GALNT14: variants seen among roughly 807,000 people sequenced by gnomAD.
The protein encoded by GALNT14 is UDP-GalNAc:polypeptide N-acetylgalactosaminyltransferase 14.
A neutral mutation model predicts 77.5 loss-of-function variants in GALNT14; 60 were observed. The observed-to-expected ratio is 0.77, with a 90% CI of 0.63 to 0.96. The LOEUF (loss-of-function observed/expected upper bound fraction) is 0.96. Ranked by LOEUF, GALNT14 falls within the 40% of genes least tolerant of loss-of-function variation. GALNT14 has a pLI of 0.00. For synonymous variants in GALNT14, 280 were observed against 281.7 expected, an observed-to-expected ratio of 0.99 and a Z score of 0.06; for missense variants, 710 against 731.0, an observed-to-expected ratio of 0.97 and a Z score of 0.33.
At chr2:31,063,183 A>G (rs957930546) in intron 1 of GALNT14, among the ~76,000 whole-genome samples, 4 of 152,064 alleles carry the variant, frequency 2.6e-5, no homozygotes, top group African/African-American at 9.7e-5. Context: ...TAGGGTTTTT[A>G]TGGTTTTAGG....
intron 1 of GALNT14, among the ~76,000 whole-genome samples, chr2:31,050,146 G>A (rs987733900): frequency 3.3e-5 from 5 of 152,260 alleles, no homozygotes; most frequent in Middle Eastern, 3.4e-3. Context: ...TTCTAGCTGT[G>A]GGCCAGCATG....
At chr2:30,918,464 G>A (rs919838440) in intron 13 of GALNT14, among the ~76,000 whole-genome samples, 3 of 152,228 alleles carry the variant, frequency 2.0e-5, no homozygotes, top group Non-Finnish European at 4.4e-5. Context: ...ATGCTCAATT[G>A]CTGTCTGCTG....
intron 1 of GALNT14, among the ~76,000 whole-genome samples, chr2:31,080,209 G>C (rs1676073115): frequency 6.6e-6 from 1 of 152,206 alleles, no homozygotes; most frequent in Admixed American, 6.5e-5. Context: ...AGCACCTTAG[G>C]TCAGCAAGAA....
At chr2:30,927,859 G>C (rs1419227483) in intron 11 of GALNT14, among the ~76,000 whole-genome samples, 1 of 152,162 alleles carries the variant, frequency 6.6e-6, no homozygotes, top group African/African-American at 2.4e-5. Flanking sequence ...ATTATTAGTA[G>C]CACCAGCTGG....
At chr2:30,920,530 G>A (rs1292385085) in intron 13 of GALNT14, among the ~76,000 whole-genome samples, 1 of 152,034 alleles carries the variant, frequency 6.6e-6, no homozygotes, top group Non-Finnish European at 1.5e-5. Flanking sequence ...TTAGCAGAAG[G>A]GGTTGGGAAG....
intron 13 of GALNT14, among the ~76,000 whole-genome samples, chr2:30,919,145 T>C (rs1261297699): frequency 6.6e-6 from 1 of 152,208 alleles, no homozygotes; most frequent in Non-Finnish European, 1.5e-5. Flanking sequence ...ACCTGTATTC[T>C]TTCTACCTTT....
chr2:30,946,183 G>A (rs1666684337), intron 6 of GALNT14, among the ~76,000 whole-genome samples: 1 of 152,114 alleles, frequency 6.6e-6, no homozygotes, highest in African/African-American at 2.4e-5. Context: ...AGGGGCAATC[G>A]AGAAGAAGGG....
At chr2:31,046,677 T>C (rs1030996741) in intron 1 of GALNT14, among the ~76,000 whole-genome samples, 14 of 152,154 alleles carry the variant, frequency 9.2e-5, no homozygotes, top group African/African-American at 3.1e-4. Context: ...TTTTGAACAA[T>C]AGTTTGCAGT....
chr2:30,993,142 A>G (rs1180953417), intron 1 of GALNT14, 135 bp from the exon 2 acceptor site: 5 of 803,886 alleles, frequency 6.2e-6, no homozygotes, highest in East Asian at 5.4e-5. Flanking sequence ...TCAGAAGCAG[A>G]ACATAAACTA....
chr2:31,078,955 C>G (rs1675987150), intron 1 of GALNT14: 1 of 1,289,130 alleles, frequency 7.8e-7, no homozygotes, highest in Non-Finnish European at 1.0e-6. Flanking sequence ...CATCTTGGGC[C>G]ATGGCTGTTC....
chr2:30,982,887 A>C (rs554865059), intron 2 of GALNT14, among the ~76,000 whole-genome samples: 8 of 152,332 alleles, frequency 5.3e-5, no homozygotes, highest in African/African-American at 1.4e-4. Flanking sequence ...AGAAGATTTC[A>C]AAAGCCACTG....
At chr2:31,016,774 G>A (rs993616967) in intron 1 of GALNT14, among the ~76,000 whole-genome samples, 3 of 151,966 alleles carry the variant, frequency 2.0e-5, no homozygotes, top group Non-Finnish European at 2.9e-5. Context: ...ATCTTCCCCC[G>A]CCTGCCCTGT....
At chr2:31,099,781 C>T (rs999011403) in intron 1 of GALNT14, among the ~76,000 whole-genome samples, 1 of 151,928 alleles carries the variant, frequency 6.6e-6, no homozygotes, top group African/African-American at 2.4e-5. Flanking sequence ...CACACAGTTT[C>T]AATAAATGAC....
At chr2:31,068,684 A>C (rs1675151032) in intron 1 of GALNT14, among the ~76,000 whole-genome samples, 1 of 152,202 alleles carries the variant, frequency 6.6e-6, no homozygotes, top group South Asian at 2.1e-4. Context: ...CAGACAGGGC[A>C]ACAATGGGGC....
At chr2:30,935,099 G>A (rs1329995576) in intron 9 of GALNT14, among the ~76,000 whole-genome samples, 1 of 152,136 alleles carries the variant, frequency 6.6e-6, no homozygotes, top group Non-Finnish European at 1.5e-5. Flanking sequence ...ATTTACTTCT[G>A]GGCCAGGCAG....
chr2:31,123,256 C>T (rs902163617), intron 1 of GALNT14, among the ~76,000 whole-genome samples: 3 of 150,738 alleles, frequency 2.0e-5, no homozygotes, highest in Admixed American at 6.6e-5. Context: ...TTTCATGTGT[C>T]ATGAAATATT....
chr2:30,892,846 G>T, the GALNT14 span, among the ~76,000 whole-genome samples: 1 of 152,166 alleles, frequency 6.6e-6, no homozygotes, highest in African/African-American at 2.4e-5. Context: ...CAGTCTCCAT[G>T]AAACTGTGGC....
Position 30,945,875 on chromosome 2 carries a change from A to G in GALNT14, c.655-5T>C. ...GCACACCACCCGCGTGTAGTCCTGT[A>G]AGACAACAGACCCGCACTTAGCTTA... On this transcript the variant is annotated splice_region_variant and splice_polypyrimidine_tract_variant and intron_variant, in intron 6 of 14. Transcript: ENST00000349752. 1 of 1,613,310 alleles carries G rather than the reference A, an allele frequency of 6.2e-7. No individual in the cohort carries two copies. The highest frequency in any genetic ancestry group is 2.2e-5 in the East Asian group (1 of 44,876).
intron 1 of GALNT14, chr2:31,125,363 A>G: frequency 1.2e-6 from 1 of 801,610 alleles, no homozygotes; most frequent in Non-Finnish European, 2.1e-6. Flanking sequence ...GCCCATAGGA[A>G]AGATCTGGAT....
Sources: gnomAD v4.1 joint callset for allele counts (sites outside exome capture counted in the v4.1 genomes callset) on GRCh38, gnomAD v4.1.1 for gene constraint, MANE v1.5 for transcripts, NCBI Gene and HGNC (gene_info 2026-07-23, HGNC 2026-07-21) for gene names.